Variants in THEMIS observed in about 807,000 individuals in gnomAD.
THEMIS encodes thymocyte selection associated.
A neutral mutation model predicts 52.6 loss-of-function variants in THEMIS; 37 were observed. The observed-to-expected ratio is 0.70, with a 90% CI of 0.54 to 0.93. The LOEUF (loss-of-function observed/expected upper bound fraction) is 0.93. THEMIS is among the 40% of genes least tolerant of loss of function. The pLI is 0.00. For synonymous variants in THEMIS, 292 were observed against 272.7 expected (o/e 1.07, Z -0.70); for missense variants, 808 against 763.1 (o/e 1.06, Z -0.69).
intron 4 of THEMIS, among the ~76,000 whole-genome samples, chr6:127,758,586 A>G (rs926093601): frequency 2.0e-5 from 3 of 151,720 alleles, no homozygotes; most frequent in Non-Finnish European, 4.4e-5. Context: ...CAGAAAGATA[A>G]AAAAGTGACT....
intron 4 of THEMIS, among the ~76,000 whole-genome samples, chr6:127,775,111 C>T (rs1438370236): frequency 6.6e-6 from 1 of 152,118 alleles, no homozygotes; most frequent in East Asian, 1.9e-4. Context: ...TTGATTAGGA[C>T]CCATATATGT....
the THEMIS span, among the ~76,000 whole-genome samples, chr6:127,697,662 C>T: frequency 2.7e-5 from 4 of 146,392 alleles, no homozygotes; most frequent in Admixed American, 6.7e-5. Context: ...GACTTCAAGT[C>T]TTTTGCAATT....
At chr6:127,740,903 T>C (rs1409796141) in intron 4 of THEMIS, among the ~76,000 whole-genome samples, 1 of 152,210 alleles carries the variant, frequency 6.6e-6, no homozygotes, top group Admixed American at 6.5e-5. Context: ...AAAAAGCTTC[T>C]TAAAAATTTT....
chr6:127,881,741 C>A (rs1289135252), intron 1 of THEMIS, among the ~76,000 whole-genome samples: 1 of 151,746 alleles, frequency 6.6e-6, no homozygotes, highest in Non-Finnish European at 1.5e-5. Flanking sequence ...TGTTTTAGGG[C>A]TTTTTTCTAC....
intron 4 of THEMIS, among the ~76,000 whole-genome samples, chr6:127,756,082 A>C (rs756189734): frequency 3.3e-5 from 5 of 151,936 alleles, no homozygotes; most frequent in Non-Finnish European, 7.4e-5. Flanking sequence ...AAAACCAAAA[A>C]ACCCAGAAAT....
At chr6:127,784,950 ACTATCTAT>A (rs59805084) in intron 4 of THEMIS, among the ~76,000 whole-genome samples, 40,986 of 145,108 alleles carry the variant, frequency 0.28, 5,971 homozygotes, top group Middle Eastern at 0.37. Flanking sequence ...AGGCAGTCAC[ACTATCTAT>A]CTATCTATCT....
intron 1 of THEMIS, among the ~76,000 whole-genome samples, chr6:127,915,704 C>A (rs1408930260): frequency 6.6e-6 from 1 of 151,952 alleles, no homozygotes; most frequent in Non-Finnish European, 1.5e-5. Context: ...AAAGAATGAG[C>A]AGCTGGGTGT....
At chr6:127,870,851 G>T (rs1379265850) in intron 1 of THEMIS, among the ~76,000 whole-genome samples, 1 of 152,120 alleles carries the variant, frequency 6.6e-6, no homozygotes, top group Non-Finnish European at 1.5e-5. Context: ...AGCAGAAACT[G>T]CTCTAACTAA....
chr6:127,727,027 G>C (rs997251442), intron 4 of THEMIS, among the ~76,000 whole-genome samples: 59 of 152,286 alleles, frequency 3.9e-4, no homozygotes, highest in African/African-American at 1.3e-3. Context: ...TGTCACTCCA[G>C]ATATTGGACA....
Position 127,775,483 on chromosome 6 carries a change from A to G in THEMIS, c.1758+37400T>C, listed in dbSNP as rs1776535186. Among the ~76,000 whole-genome samples, 4 of 152,266 alleles carry G rather than the reference A, an allele frequency of 2.6e-5. No homozygotes were observed. In the South Asian group the frequency reaches 6.2e-4, roughly 24 times the overall value. ...AGCAATTTCTGCTGAGAGGAAAATG[A>G]GACACTCTTCCACAATTTCCTGAAA... On this transcript the variant is annotated intron_variant, in intron 4 of 5. Coordinates refer to ENST00000368248, the MANE Select transcript of THEMIS (RefSeq NM_001010923.3).
At chr6:127,767,838 A>G (rs937031572) in intron 4 of THEMIS, among the ~76,000 whole-genome samples, 1 of 144,124 alleles carries the variant, frequency 6.9e-6, no homozygotes, top group Non-Finnish European at 1.5e-5. Flanking sequence ...GCACCACCAC[A>G]ACAAGTGAGT....
chr6:127,868,353 C>A, intron 1 of THEMIS: 4 of 815,060 alleles, frequency 4.9e-6, no homozygotes, highest in Non-Finnish European at 5.9e-6. Context: ...ATGGATGGGG[C>A]TTTGTTTTCC....
chr6:127,817,572 A>G lies in THEMIS; in HGVS notation c.710-3641T>C, dbSNP rs186336833. On this transcript the variant is annotated intron_variant, in intron 3 of 5. Transcript: ENST00000368248. ...ATAAAAAAGATTAGGCAAAATCATG[A>G]TATAGATGCCTAAAGAGAAGATTCA... Among the ~76,000 whole-genome samples, 4 of 152,326 alleles carry G rather than the reference A, an allele frequency of 2.6e-5. No homozygotes were observed. The East Asian group carries it at 5.8e-4, about 22-fold the overall frequency.
intron 4 of THEMIS, among the ~76,000 whole-genome samples, chr6:127,739,199 G>T (rs1324172440): frequency 1.3e-5 from 2 of 152,040 alleles, no homozygotes; most frequent in Non-Finnish European, 2.9e-5. Context: ...CCATATAAAA[G>T]AATATTCAAG....
chr6:127,760,099 A>G (rs1325875943), intron 4 of THEMIS, among the ~76,000 whole-genome samples: 2 of 139,952 alleles, frequency 1.4e-5, no homozygotes, highest in African/African-American at 2.6e-5. Flanking sequence ...TTTTTTTTGC[A>G]TGTGGATTTC....
chr6:127,746,893 T>A (rs1466054900), intron 4 of THEMIS, among the ~76,000 whole-genome samples: 8 of 67,630 alleles, frequency 1.2e-4, no homozygotes, highest in African/African-American at 5.2e-4. Context: ...TATATATTAT[T>A]ATATAATTAT....
chr6:127,704,446 T>A (rs541900739), downstream of THEMIS, among the ~76,000 whole-genome samples: 37 of 152,278 alleles, frequency 2.4e-4, no homozygotes, highest in Middle Eastern at 0.014. Flanking sequence ...AGATAGTGTA[T>A]GAAACCTCTG....
chr6:127,806,994 C>T (rs1432317228), intron 4 of THEMIS, among the ~76,000 whole-genome samples: 1 of 152,204 alleles, frequency 6.6e-6, no homozygotes, highest in Non-Finnish European at 1.5e-5. Flanking sequence ...CAACAGACCT[C>T]TGGCAACTCA....
At chr6:127,704,889 G>A (rs896847956), downstream of THEMIS, among the ~76,000 whole-genome samples, 10 of 152,226 alleles carry the variant, frequency 6.6e-5, no homozygotes, top group Non-Finnish European at 1.5e-4. Flanking sequence ...ATCCATTCAT[G>A]TATGGGTCAA....
Sources: allele counts gnomAD v4.1 joint callset (sites outside exome capture counted in the v4.1 genomes callset), GRCh38; gene constraint gnomAD v4.1.1; transcripts MANE v1.5; gene names NCBI Gene and HGNC (gene_info 2026-07-23, HGNC 2026-07-21).